Variants in HIPK3 observed in about 807,000 individuals in gnomAD.
HIPK3 encodes the protein homeodomain interacting protein kinase 3.
Under a neutral mutation model 124.2 loss-of-function variants are expected in HIPK3, and 47 were observed. The observed-to-expected ratio is 0.38, with a 90% CI of 0.30 to 0.48. The LOEUF (loss-of-function observed/expected upper bound fraction) is 0.48. HIPK3 is among the 20% of genes least tolerant of loss of function. The pLI is 0.98. For missense variants in HIPK3, 1,286 were observed against 1,454.3 expected (o/e 0.88, Z 1.88); for synonymous variants, 482 against 515.2 (o/e 0.94, Z 0.87).
intron 2 of HIPK3, among the ~76,000 whole-genome samples, chr11:33,293,365 T>G (rs1851751933): frequency 6.6e-6 from 1 of 152,176 alleles, no homozygotes; most frequent in South Asian, 2.1e-4. Context: ...GACACAATTT[T>G]TGAATATTTA....
chr11:33,334,833 G>A (rs1025785503), intron 3 of HIPK3, among the ~76,000 whole-genome samples: 1 of 152,188 alleles, frequency 6.6e-6, no homozygotes. Context: ...AGAATGTTTG[G>A]CAGTAGTGTG....
chr11:33,291,232 T>C (rs1275940101), intron 2 of HIPK3, among the ~76,000 whole-genome samples: 2 of 152,232 alleles, frequency 1.3e-5, no homozygotes, highest in Non-Finnish European at 2.9e-5. Flanking sequence ...AGGTTACTTA[T>C]AAATCTGATA....
At chr11:33,307,400 G>GTTTT (rs397849185) in intron 2 of HIPK3, among the ~76,000 whole-genome samples, 2 of 128,858 alleles carry the variant, frequency 1.6e-5, no homozygotes, top group Non-Finnish European at 1.6e-5. Flanking sequence ...TTTATGAAGT[G>GTTTT]TTTTTTTTTT....
At chr11:33,320,080 G>C (rs1439467612) in intron 2 of HIPK3, among the ~76,000 whole-genome samples, 2 of 152,182 alleles carry the variant, frequency 1.3e-5, no homozygotes, top group African/African-American at 4.8e-5. Context: ...CTTGAGGCAG[G>C]AACTATGGTT....
rs74455405 is a variant in HIPK3 at position 33,287,902 on chromosome 11, T to C, written c.1097+391T>C. 2.9e-3 allele frequency among the ~76,000 whole-genome samples: 441 copies of C among 152,324 alleles called. 1 individual carries two copies. The highest frequency in any genetic ancestry group is 4.8e-3 in the Non-Finnish European group (325 of 68,032). On this transcript the variant is annotated intron_variant, in intron 2 of 16. Transcript: ENST00000303296. ...TTTATTAAAGATATAATCAATCATATGTAACTGAACATTTAGAAAAATTAT... is the reference window on the plus strand; with the variant it reads ...TTTATTAAAGATATAATCAATCATACGTAACTGAACATTTAGAAAAATTAT...
intron 14 of HIPK3, 103 bp from the exon 15 acceptor site, chr11:33,351,505 C>T: frequency 1.4e-6 from 1 of 724,424 alleles, no homozygotes; most frequent in East Asian, 2.7e-5. Flanking sequence ...TATAAAATAA[C>T]TGAATAATGT....
Position 33,356,508 on chromosome 11 carries a change from GTTTT to G in HIPK3, c.*2947_*2950del, listed in dbSNP as rs543506704. On this transcript the variant is annotated 3_prime_UTR_variant, in exon 17 of 17. Coordinates refer to ENST00000303296, the MANE Select transcript of HIPK3 (RefSeq NM_005734.5). ...AAATCAAATATCCTGATATTTAGTTGTTTTTTTTTTCCTCCAGCGTGTTTAATTA... is the reference window on the plus strand; with the variant it reads ...AAATCAAATATCCTGATATTTAGTTGTTTTTTCCTCCAGCGTGTTTAATTA... 1 of 146,580 alleles carries G rather than the reference GTTTT, an allele frequency of 6.8e-6. No individual in the cohort carries two copies. The highest frequency in any genetic ancestry group is 2.5e-5 in the African/African-American group (1 of 40,106). 9.1% of individuals were successfully genotyped at this position (146,580 alleles called of 1,614,324 possible).
Position 33,338,746 on chromosome 11 carries a change from T to C in HIPK3, c.1342-11T>C. 6.4e-7 allele frequency: 1 copy of C among 1,559,276 alleles called. No homozygotes were observed. Among genetic ancestry groups the C allele is most frequent in the East Asian group, 2.2e-5 (1 of 44,452 alleles). ...AATGTATTCTTTTTTCCCTTTGATA[T>C]ATGCAATAAGACATTGGAAGAGCAT... On this transcript the variant is annotated splice_polypyrimidine_tract_variant and intron_variant, in intron 4 of 16. Transcript: ENST00000303296.
At chr11:33,351,578 T>C (rs1396516607) in intron 14 of HIPK3, 30 bp from the exon 15 acceptor site, 1 of 1,493,186 alleles carries the variant, frequency 6.7e-7, no homozygotes, top group Non-Finnish European at 9.3e-7. Flanking sequence ...GAAAAAAATA[T>C]CACTCATAAA....
rs1416461728 is a variant in HIPK3 at position 33,356,780 on chromosome 11, C to T, written c.*3212C>T. 6.6e-6 allele frequency: 1 copy of T among 151,958 alleles called. No homozygotes were observed. The highest frequency in any genetic ancestry group is 2.1e-4 in the South Asian group (1 of 4,826). The allele number at this position is 151,958 out of a possible 1,614,324, so 9.4% of individuals were successfully genotyped here. On this transcript the variant is annotated 3_prime_UTR_variant, in exon 17 of 17. Coordinates refer to ENST00000303296, the MANE Select transcript of HIPK3 (RefSeq NM_005734.5). ...TTACTCCTATGCTACACTAGTTTGC[C>T]ATGTAGCAATTGCACTGTGCAATAT...
At chr11:33,351,227 A>G (rs1853648826) in intron 14 of HIPK3, among the ~76,000 whole-genome samples, 1 of 152,202 alleles carries the variant, frequency 6.6e-6, no homozygotes. Flanking sequence ...CAAGTCACAT[A>G]CATATATGTT....
chr11:33,264,245 A>G (rs1406213280), intron 1 of HIPK3, among the ~76,000 whole-genome samples: 1 of 152,096 alleles, frequency 6.6e-6, no homozygotes, highest in African/African-American at 2.4e-5. Flanking sequence ...TGCTCATTTG[A>G]GCTGTACTTC....
intron 14 of HIPK3, 93 bp from the exon 15 acceptor site, chr11:33,351,515 T>A (rs1443046800): frequency 1.3e-6 from 1 of 776,564 alleles, no homozygotes; most frequent in East Asian, 2.5e-5. Flanking sequence ...CTGAATAATG[T>A]TCTCATCAGT....
At chr11:33,258,772 C>A in intron 1 of HIPK3, 1 of 968,512 alleles carries the variant, frequency 1.0e-6, no homozygotes, top group Admixed American at 6.1e-5. Flanking sequence ...GCGTAAATTA[C>A]CTTGGACTTG....
At chr11:33,294,159 GAA>G (rs34635630) in intron 2 of HIPK3, among the ~76,000 whole-genome samples, 39 of 144,498 alleles carry the variant, frequency 2.7e-4, no homozygotes, top group South Asian at 4.4e-4. Flanking sequence ...ATCTGAAAAA[GAA>G]AAAAAAAAAA....
intron 2 of HIPK3, among the ~76,000 whole-genome samples, chr11:33,304,199 A>G (rs190487865): frequency 6.6e-6 from 1 of 152,320 alleles, no homozygotes; most frequent in African/African-American, 2.4e-5. Context: ...TTGGCCTTCC[A>G]AAGTGCTGGG....
At position 33,257,700 on chromosome 11, in the gene HIPK3, G is replaced by T; in HGVS notation, c.-192G>T. 1.0e-6 allele frequency: 1 copy of T among 991,620 alleles called. No homozygotes were observed. The highest frequency in any genetic ancestry group is 1.2e-6 in the Non-Finnish European group (1 of 834,316). 61.4% of individuals were successfully genotyped at this position (991,620 alleles called of 1,614,324 possible). Reference sequence around the variant, plus strand: ...CAGCAGCAGCAGCGGTCGGGGGAGGGTGTTTCGCCGTTTCCTCTCAGCCGC... The same window carrying T: ...CAGCAGCAGCAGCGGTCGGGGGAGGTTGTTTCGCCGTTTCCTCTCAGCCGC... On this transcript the variant is annotated 5_prime_UTR_variant, in exon 1 of 17. Coordinates refer to ENST00000303296, the MANE Select transcript of HIPK3 (RefSeq NM_005734.5).
intron 3 of HIPK3, among the ~76,000 whole-genome samples, chr11:33,331,091 G>A (rs907014692): frequency 3.3e-5 from 5 of 151,806 alleles, no homozygotes; most frequent in African/African-American, 1.2e-4. Context: ...TCATATTGAC[G>A]AGGCAGGTCT....
chr11:33,353,442 A>G lies in HIPK3; in HGVS notation c.3522A>G (p.Pro1174=), dbSNP rs141503633. The G allele has an allele frequency of 5.0e-6, 8 of 1,613,898 alleles. No homozygotes were observed. In the East Asian group the frequency reaches 1.8e-4, roughly 36 times the overall value. ...TGGGCTTAAATCCCCGTCTGTTACC[A>G]TCCCCAACCATTCATCAGACTCAGT... is the stretch of plus-strand genomic sequence containing the variant. ...VPVGLNPRLL[P]SPTIHQTQYK... The change falls in exon 17 of 17, where the codon CCA becomes CCG. Residue 1174 remains proline (P), a synonymous_variant. Transcript: ENST00000303296.
Sources: allele counts gnomAD v4.1 joint callset (sites outside exome capture counted in the v4.1 genomes callset), GRCh38; gene constraint gnomAD v4.1.1; transcripts MANE v1.5; gene names NCBI Gene and HGNC (gene_info 2026-07-23, HGNC 2026-07-21).